The following HDAC9 variants were observed in gnomAD, a reference collection of about 807,000 sequenced individuals.
HDAC9 encodes MEF-2 interacting transcription repressor (MITR) protein.
Under a neutral mutation model 139.4 loss-of-function variants are expected in HDAC9, and 41 were observed. The observed-to-expected ratio is 0.29, with a 90% confidence interval of 0.23 to 0.38. The LOEUF (loss-of-function observed/expected upper bound fraction) is 0.38, where lower values mean the gene tolerates loss of function less well. Ranked by LOEUF, HDAC9 falls within the 10% of genes least tolerant of loss-of-function variation. HDAC9 has a pLI of 1.00. For synonymous variants in HDAC9, 517 were observed against 476.2 expected, an observed-to-expected ratio of 1.09 and a Z score of -1.12; for missense variants, 1,147 against 1,297.0, an observed-to-expected ratio of 0.88 and a Z score of 1.78.
At chr7:18,605,129 T>C (rs1172782183) in intron 6 of HDAC9, among the ~76,000 whole-genome samples, 1 of 152,150 alleles carries the variant, frequency 6.6e-6, no homozygotes, top group Non-Finnish European at 1.5e-5. Context: ...TTGATTTTTT[T>C]CCTTCTCCTA....
chr7:18,878,115 T>TA (rs1207225101), intron 22 of HDAC9, among the ~76,000 whole-genome samples: 1 of 152,176 alleles, frequency 6.6e-6, no homozygotes, highest in African/African-American at 2.4e-5. Context: ...CCATGACAAC[T>TA]AAGTGCTGTA....
At chr7:18,937,945 T>A (rs560007110) in intron 23 of HDAC9, among the ~76,000 whole-genome samples, 6 of 152,218 alleles carry the variant, frequency 3.9e-5, no homozygotes, top group African/African-American at 9.6e-5. Context: ...TCCCCTATGA[T>A]CTCTTTCTTT....
At chr7:18,774,149 T>C (rs1199340046) in intron 16 of HDAC9, among the ~76,000 whole-genome samples, 1 of 152,036 alleles carries the variant, frequency 6.6e-6, no homozygotes, top group Non-Finnish European at 1.5e-5. Flanking sequence ...ATTATTGCTA[T>C]AGAGTGTCTT....
At chr7:18,346,582 G>T (rs1782432843) in intron 1 of HDAC9, among the ~76,000 whole-genome samples, 1 of 151,816 alleles carries the variant, frequency 6.6e-6, no homozygotes, top group Admixed American at 6.6e-5. Context: ...TTGTTCTTTT[G>T]CTGTCATTAA....
intron 2 of HDAC9, among the ~76,000 whole-genome samples, chr7:18,513,760 C>T (rs1429489146): frequency 2.0e-5 from 3 of 152,178 alleles, no homozygotes; most frequent in Non-Finnish European, 4.4e-5. Context: ...CGTTAGGTCC[C>T]TGCCATCCTT....
At chr7:18,672,661 C>A (rs989826563) in intron 12 of HDAC9, among the ~76,000 whole-genome samples, 15 of 151,894 alleles carry the variant, frequency 9.9e-5, no homozygotes, top group African/African-American at 3.1e-4. Flanking sequence ...ACTTACGTTG[C>A]CTTCTTAGAG....
intron 1 of HDAC9, among the ~76,000 whole-genome samples, chr7:18,418,625 A>G (rs1205117158): frequency 6.6e-6 from 1 of 152,160 alleles, no homozygotes; most frequent in Non-Finnish European, 1.5e-5. Context: ...ACAAAACTAA[A>G]TTTATTCAAT....
chr7:18,590,213 G>A (rs1322686553), intron 3 of HDAC9, 123 bp from the exon 4 acceptor site: 1 of 987,194 alleles, frequency 1.0e-6, no homozygotes, highest in Non-Finnish European at 1.5e-6. Flanking sequence ...TACAGAAAAA[G>A]TGGGTACAAA....
At chr7:18,717,320 G>A (rs1784776487) in intron 12 of HDAC9, among the ~76,000 whole-genome samples, 1 of 152,124 alleles carries the variant, frequency 6.6e-6, no homozygotes, top group Non-Finnish European at 1.5e-5. Context: ...TAGCTAGGGA[G>A]AAGGGGGAAT....
At chr7:18,556,598 T>A (rs1818892463) in intron 2 of HDAC9, among the ~76,000 whole-genome samples, 1 of 151,752 alleles carries the variant, frequency 6.6e-6, no homozygotes, top group South Asian at 2.1e-4. Context: ...CACTAATTTC[T>A]GTCTCAATCC....
intron 2 of HDAC9, among the ~76,000 whole-genome samples, chr7:18,275,009 A>C (rs1325962584): frequency 6.6e-6 from 1 of 152,212 alleles, no homozygotes; most frequent in African/African-American, 2.4e-5. Flanking sequence ...TTGTATGTCT[A>C]GCCCAGGCAG....
chr7:18,594,016 C>G lies in HDAC9; in HGVS notation c.651C>G (p.Pro217=). ...PGAQDAKDDF[P]LRKTASEPNL... is the part of the protein sequence containing the mutation. ...CACAAGATGCAAAGGATGATTTCCC[C>G]CTTCGAAAAACTGGTAAGTTGGTTT... The change falls in exon 6 of 26, where the codon CCC becomes CCG. Residue 217 remains proline, a synonymous_variant. Coordinates refer to ENST00000686413, the MANE Select transcript of HDAC9 (RefSeq NM_178425.4). The G allele has an allele frequency of 1.2e-6, 2 of 1,612,382 alleles. No individual in the cohort carries two copies. The highest frequency in any genetic ancestry group is 1.7e-6 in the Non-Finnish European group (2 of 1,178,872).
In HDAC9 at chr7:18,865,608, C is replaced by A. The variant is rs75019762; in HGVS notation, c.2685-8870C>A. On this transcript the variant is annotated intron_variant, in intron 21 of 25. Coordinates refer to ENST00000686413, the MANE Select transcript of HDAC9 (RefSeq NM_178425.4). ...GCCCCCCACAAGGACCCTACAGGGC[C>A]TGTGTTGTGTGAGGCACTGGGGGCT... Among the ~76,000 whole-genome samples the A allele has an allele frequency of 4.5e-3, 690 of 152,228 alleles. 4 individuals carry two copies. The highest frequency in any genetic ancestry group is 0.016 in the African/African-American group (669 of 41,566).
chr7:18,731,362 C>T (rs1284978794), intron 13 of HDAC9, among the ~76,000 whole-genome samples: 1 of 152,074 alleles, frequency 6.6e-6, no homozygotes, highest in African/African-American at 2.4e-5. Flanking sequence ...TAAATCTATC[C>T]TCTAAGAGCT....
chr7:18,745,987 G>A (rs2129145006), intron 13 of HDAC9, among the ~76,000 whole-genome samples: 1 of 149,766 alleles, frequency 6.7e-6, no homozygotes, highest in Non-Finnish European at 1.5e-5. Context: ...GGCGTCCTGG[G>A]CTCAAGCAAT....
At chr7:18,547,337 G>T (rs1015305950) in intron 2 of HDAC9, among the ~76,000 whole-genome samples, 5 of 152,166 alleles carry the variant, frequency 3.3e-5, no homozygotes, top group African/African-American at 9.7e-5. Context: ...CCGGGTTCAG[G>T]CCATTCTCCT....
chr7:18,749,803 G>A (rs1375202804), intron 14 of HDAC9, among the ~76,000 whole-genome samples: 3 of 152,078 alleles, frequency 2.0e-5, no homozygotes, highest in South Asian at 2.1e-4. Flanking sequence ...GCTGCTATTC[G>A]ATTTAGTTGC....
chr7:18,432,822 G>T (rs1204878882), intron 1 of HDAC9, among the ~76,000 whole-genome samples: 1 of 152,000 alleles, frequency 6.6e-6, no homozygotes, highest in Non-Finnish European at 1.5e-5. Context: ...ATGGTGGCAG[G>T]TGCCTGTAGT....
At chr7:18,593,876 A>G in intron 5 of HDAC9, 32 bp from the exon 6 acceptor site, 1 of 1,611,302 alleles carries the variant, frequency 6.2e-7, no homozygotes, top group Non-Finnish European at 8.5e-7. Flanking sequence ...AAAACTACCA[A>G]GTAAATAGTG....
Sources: gnomAD v4.1 joint callset for allele counts (sites outside exome capture counted in the v4.1 genomes callset) on GRCh38, gnomAD v4.1.1 for gene constraint, MANE v1.5 for transcripts, NCBI Gene and HGNC (gene_info 2026-07-23, HGNC 2026-07-21) for gene names.